Variants in SOX5 observed in about 807,000 individuals in gnomAD.
SOX5 encodes SRY-box transcription factor 5, also known as transcription factor SOX-5.
Under a neutral mutation model 92.0 loss-of-function variants are expected in SOX5, and 9 were observed. That is an observed-to-expected ratio of 0.10 (90% CI 0.06 to 0.17). SOX5 has a LOEUF of 0.17. Ranked by LOEUF, SOX5 falls within the 10% of genes least tolerant of loss-of-function variation. The probability of loss-of-function intolerance (pLI) is 1.00; values close to 1 mark genes in which losing one functional copy is unlikely to be tolerated. For synonymous variants in SOX5, 344 were observed against 336.3 expected, an observed-to-expected ratio of 1.02 and a Z score of -0.25; for missense variants, 642 against 944.5, an observed-to-expected ratio of 0.68 and a Z score of 4.20.
intron 3 of SOX5, among the ~76,000 whole-genome samples, chr12:24,234,597 C>T (rs897213898): frequency 3.3e-5 from 5 of 152,144 alleles, no homozygotes; most frequent in Non-Finnish European, 5.9e-5. Flanking sequence ...AGGCTGGTCT[C>T]GAATTCCTGA....
rs539785844 is a variant in SOX5, at chr12:23,956,024, G to A, written c.-1-60000C>T. Among the ~76,000 whole-genome samples the A allele has an allele frequency of 7.9e-5, 12 of 152,132 alleles. No individual in the cohort carries two copies. In the South Asian group the frequency reaches 2.1e-3, roughly 26 times the overall value. ...CAACATTCAGAGAGGTTTTCCCACC[G>A]TGAATGTATACATTTCATTTATTAA... is the stretch of plus-strand genomic sequence containing the variant. On this transcript the variant is annotated intron_variant, in intron 4 of 4. Transcript: ENST00000446891.
At chr12:23,731,946 A>G (rs2093408988) in intron 6 of SOX5, among the ~76,000 whole-genome samples, 1 of 152,212 alleles carries the variant, frequency 6.6e-6, no homozygotes, top group South Asian at 2.1e-4. Context: ...GTTTATTTCT[A>G]CAAGGTATCA....
chr12:23,557,849 G>T (rs1015653475), intron 11 of SOX5, among the ~76,000 whole-genome samples: 1 of 151,984 alleles, frequency 6.6e-6, no homozygotes, highest in African/African-American at 2.4e-5. Context: ...TGTGGCACAC[G>T]CCTGTAGTCC....
intron 1 of SOX5, among the ~76,000 whole-genome samples, chr12:24,416,709 T>A (rs959669637): frequency 6.6e-6 from 1 of 152,228 alleles, no homozygotes; most frequent in Admixed American, 6.5e-5. Context: ...ATTTGTACTT[T>A]GAGCGATGAT....
intron 4 of SOX5, among the ~76,000 whole-genome samples, chr12:24,143,754 G>A (rs1346228205): frequency 6.6e-6 from 1 of 151,912 alleles, no homozygotes; most frequent in Non-Finnish European, 1.5e-5. Flanking sequence ...TCTGGGAACT[G>A]TGCATTCTTA....
At chr12:24,097,614 T>A (rs184049021) in intron 4 of SOX5, among the ~76,000 whole-genome samples, 10 of 152,084 alleles carry the variant, frequency 6.6e-5, no homozygotes, top group Admixed American at 1.3e-4. Flanking sequence ...CCAACATTAC[T>A]TTTACTTTTG....
chr12:23,537,943 C>T (rs1009494055), intron 13 of SOX5, among the ~76,000 whole-genome samples: 1 of 70,846 alleles, frequency 1.4e-5, no homozygotes, highest in South Asian at 6.0e-4. Flanking sequence ...GTAGTAATAG[C>T]GTTTTTTTTT....
intron 4 of SOX5, among the ~76,000 whole-genome samples, chr12:24,055,375 C>T (rs7952778): frequency 1.3e-5 from 2 of 151,986 alleles, no homozygotes; most frequent in South Asian, 4.1e-4. Context: ...AATAAGCTAC[C>T]GGTCAACAGT....
chr12:23,745,825 A>G (rs2141072493), intron 4 of SOX5, among the ~76,000 whole-genome samples: 1 of 152,086 alleles, frequency 6.6e-6, no homozygotes, highest in East Asian at 1.9e-4. Flanking sequence ...TTATGTTCAC[A>G]TTTTTCTCCC....
rs1555115200 is a variant in SOX5, at chr12:23,530,837, A to ATGTGTG, written c.*3381_*3382insCACACA. 4.8e-5 allele frequency: 1 copy of ATGTGTG among 20,906 alleles called. No homozygotes were observed. Among genetic ancestry groups the ATGTGTG allele is most frequent in the African/African-American group, 9.8e-5 (1 of 10,194 alleles). 1.3% of individuals were successfully genotyped at this position (20,906 alleles called of 1,614,324 possible). A position where few individuals can be genotyped will look rare whatever the true frequency, so the allele number is the denominator to read the frequency against. On this transcript the variant is annotated 3_prime_UTR_variant, in exon 15 of 15. Coordinates refer to ENST00000451604, the MANE Select transcript of SOX5 (RefSeq NM_006940.6). ...TGTGTGTGCGCGCGCGCGCGCGCGC[A>ATGTGTG]TGTGAGAGAGAGAGAGAAAGGGAAA... is the stretch of plus-strand genomic sequence containing the variant.
chr12:24,242,931 A>G (rs914743223), intron 3 of SOX5, among the ~76,000 whole-genome samples: 1 of 152,176 alleles, frequency 6.6e-6, no homozygotes, highest in African/African-American at 2.4e-5. Flanking sequence ...CATTTTCCAA[A>G]GCAAATAACA....
intron 1 of SOX5, among the ~76,000 whole-genome samples, chr12:23,939,564 T>C (rs962351910): frequency 6.6e-6 from 1 of 151,056 alleles, no homozygotes; most frequent in Non-Finnish European, 1.5e-5. Context: ...AAATATAAAC[T>C]AATTTGTACA....
chr12:24,368,985 T>C (rs1321784109), intron 1 of SOX5, among the ~76,000 whole-genome samples: 3 of 152,224 alleles, frequency 2.0e-5, no homozygotes, highest in Non-Finnish European at 4.4e-5. Flanking sequence ...ACACTATATA[T>C]ACAGTGTTGG....
intron 1 of SOX5, among the ~76,000 whole-genome samples, chr12:24,487,464 G>C (rs1432273758): frequency 7.2e-5 from 11 of 152,126 alleles, no homozygotes; most frequent in Non-Finnish European, 2.9e-5. Context: ...ACTGTATACA[G>C]GAGAGACTGG....
intron 3 of SOX5, among the ~76,000 whole-genome samples, chr12:24,218,704 CATT>C (rs1256690750): frequency 1.4e-4 from 21 of 152,194 alleles, no homozygotes; most frequent in African/African-American, 4.6e-4. Context: ...AACTTAGTCT[CATT>C]ATCTTTTTTT....
chr12:23,679,662 G>C (rs1471599617), intron 6 of SOX5, among the ~76,000 whole-genome samples: 2 of 152,082 alleles, frequency 1.3e-5, no homozygotes, highest in African/African-American at 4.8e-5. Flanking sequence ...TTAGAAATAA[G>C]TGTTTCCTAG....
chr12:24,250,893 T>C (rs1939906309), intron 3 of SOX5, among the ~76,000 whole-genome samples: 1 of 152,220 alleles, frequency 6.6e-6, no homozygotes, highest in Non-Finnish European at 1.5e-5. Flanking sequence ...TTCTGTGTAT[T>C]GTATACTGGC....
intron 1 of SOX5, among the ~76,000 whole-genome samples, chr12:24,388,640 A>C (rs1348086497): frequency 6.6e-6 from 1 of 152,180 alleles, no homozygotes; most frequent in Non-Finnish European, 1.5e-5. Flanking sequence ...CAATTCACCC[A>C]TTCAAAGCAT....
At chr12:23,949,090 A>G (rs1034778892) in intron 1 of SOX5, among the ~76,000 whole-genome samples, 1 of 152,172 alleles carries the variant, frequency 6.6e-6, no homozygotes, top group African/African-American at 2.4e-5. Context: ...GCAGCTTCCA[A>G]AGTTTTACGG....
Sources: gnomAD v4.1 joint callset for allele counts (sites outside exome capture counted in the v4.1 genomes callset) on GRCh38, gnomAD v4.1.1 for gene constraint, MANE v1.5 for transcripts, NCBI Gene and HGNC (gene_info 2026-07-23, HGNC 2026-07-21) for gene names.